The following ZNF235 variants were observed in gnomAD, a reference collection of about 807,000 sequenced individuals.
ZNF235 encodes the protein zinc finger protein 235, also known as zfp-93.
ZNF235 carries 25 observed loss-of-function variants against 29.4 expected under a neutral mutation model. The observed-to-expected ratio is 0.85, with a 90% CI of 0.62 to 1.19. The LOEUF (loss-of-function observed/expected upper bound fraction) is 1.19. Among genes scored for constraint, ZNF235 ranks in the 50% most tolerant of loss-of-function variants. The pLI is 0.00. For synonymous variants in ZNF235, 300 were observed against 295.3 expected (o/e 1.02, Z -0.16); for missense variants, 788 against 885.0 (o/e 0.89, Z 1.39).
chr19:44,299,858 G>A, intron 2 of ZNF235, 126 bp from the exon 3 acceptor site: 1 of 1,435,660 alleles, frequency 7.0e-7, no homozygotes, highest in Non-Finnish European at 9.6e-7. Flanking sequence ...GGGGGAAGAA[G>A]GAAAACACCT....
chr19:44,297,849 G>A lies in ZNF235; in HGVS notation c.238+959C>T, dbSNP rs143053348. Among the ~76,000 whole-genome samples, 646 of 152,260 alleles carry A rather than the reference G, an allele frequency of 4.2e-3. 10 individuals are homozygous for A. Among genetic ancestry groups the A allele is most frequent in the South Asian group, 0.035 (168 of 4,824 alleles). Reference sequence around the variant, plus strand: ...ATAAGGAAGAGGGGCTGGGCGCAGTGGCTCACATCTATAATCCCAGCATTT... The same window carrying A: ...ATAAGGAAGAGGGGCTGGGCGCAGTAGCTCACATCTATAATCCCAGCATTT... On this transcript the variant is annotated intron_variant, in intron 4 of 4. Coordinates refer to ENST00000291182, the MANE Select transcript of ZNF235 (RefSeq NM_004234.4).
Position 44,297,443 on chromosome 19 carries a change from C to T in ZNF235, c.238+1365G>A, listed in dbSNP as rs1975668275. 2.0e-5 allele frequency: 3 copies of T among 153,058 alleles called. No homozygotes were observed. The South Asian group carries it at 5.5e-4, about 28-fold the overall frequency. 9.5% of individuals were successfully genotyped at this position (153,058 alleles called of 1,614,324 possible). A position where few individuals can be genotyped will look rare whatever the true frequency, so the allele number is the denominator to read the frequency against. Reference sequence around the variant, plus strand: ...GCAAAAAACAAAACCAAATTAAACCCAATACTGACAGAAGAAAGGAATCTA... The same window carrying T: ...GCAAAAAACAAAACCAAATTAAACCTAATACTGACAGAAGAAAGGAATCTA... On this transcript the variant is annotated intron_variant, in intron 4 of 4. Transcript: ENST00000291182.
intron 4 of ZNF235, among the ~76,000 whole-genome samples, chr19:44,291,633 T>C (rs1975586093): frequency 6.6e-6 from 1 of 152,172 alleles, no homozygotes; most frequent in South Asian, 2.1e-4. Context: ...ATGAACTTTA[T>C]GGCAATAAAT....
chr19:44,298,597 A>G (rs929525496), intron 4 of ZNF235, among the ~76,000 whole-genome samples: 1 of 152,044 alleles, frequency 6.6e-6, no homozygotes, highest in Non-Finnish European at 1.5e-5. Flanking sequence ...TTGCTATGTT[A>G]AAGACCCCAG....
At position 44,288,543 on chromosome 19, in the gene ZNF235, TCTCATGTGTACTACA is replaced by T; in HGVS notation, c.877_891del (p.Cys293_Glu297del). On this transcript the variant is annotated inframe_deletion, in exon 5 of 5. Coordinates refer to ENST00000291182, the MANE Select transcript of ZNF235 (RefSeq NM_004234.4). The stretch of plus-strand genomic sequence containing the variant: ...ATACCTGAGCTATAACTGGTGTCCT[TCTCATGTGTACTACA>T]CGCTGGAGACTTCTTTCCCAAGTGT... The T allele has an allele frequency of 6.2e-7, 1 of 1,614,138 alleles. No individual in the cohort carries two copies. The highest frequency in any genetic ancestry group is 8.5e-7 in the Non-Finnish European group (1 of 1,179,992).
In ZNF235 at chr19:44,287,854, A is replaced by T. The variant is rs890371057; in HGVS notation, c.1581T>A (p.Ser527Arg). 38 of 1,607,780 alleles carry T rather than the reference A, an allele frequency of 2.4e-5. No homozygotes were observed. Among genetic ancestry groups the T allele is most frequent in the Non-Finnish European group, 3.1e-5 (37 of 1,178,078 alleles). ...CNVCGKGFSQSSYFQAHQRVH... is the reference protein window; with the variant it reads ...CNVCGKGFSQRSYFQAHQRVH... Reference sequence around the variant, plus strand: ...CTCTCTGATGTGCTTGAAAGTATGAACTCTGACTGAAGCCTTTCCCACACA... The same window carrying T: ...CTCTCTGATGTGCTTGAAAGTATGATCTCTGACTGAAGCCTTTCCCACACA... The change falls in exon 5 of 5, where the codon AGT (serine) becomes AGA (arginine). Residue 527 changes from serine (S) to arginine (R), a missense_variant. Physicochemically the swap from Ser to Arg is moderately radical, Grantham distance 110. Transcript: ENST00000291182.
intron 3 of ZNF235, 85 bp downstream of exon 3, chr19:44,299,521 T>A: frequency 1.3e-6 from 2 of 1,555,566 alleles, no homozygotes; most frequent in Non-Finnish European, 1.8e-6. Context: ...GATAGCCTGA[T>A]ACAACACAGA....
intron 4 of ZNF235, among the ~76,000 whole-genome samples, chr19:44,292,871 T>G (rs891209924): frequency 1.3e-5 from 2 of 151,948 alleles, no homozygotes; most frequent in Non-Finnish European, 2.9e-5. Flanking sequence ...TAAAGGAAGC[T>G]CCATCACACA....
At chr19:44,302,932 T>A (rs1264246598) in intron 2 of ZNF235, among the ~76,000 whole-genome samples, 19 of 132,270 alleles carry the variant, frequency 1.4e-4, no homozygotes, top group African/African-American at 5.7e-4. Context: ...TTGTATGTAT[T>A]TATATATACA....
intron 4 of ZNF235, among the ~76,000 whole-genome samples, chr19:44,293,040 A>G (rs560663836): frequency 6.6e-6 from 1 of 152,250 alleles, no homozygotes; most frequent in Admixed American, 6.5e-5. Context: ...GTTTGTCACC[A>G]CTAGACCAGG....
At chr19:44,294,480 C>T (rs1975626919) in intron 4 of ZNF235, among the ~76,000 whole-genome samples, 1 of 152,036 alleles carries the variant, frequency 6.6e-6, no homozygotes. Flanking sequence ...CACTGGAATT[C>T]CACAAAAGGT....
At chr19:44,298,599 A>G (rs1975687381) in intron 4 of ZNF235, among the ~76,000 whole-genome samples, 1 of 152,078 alleles carries the variant, frequency 6.6e-6, no homozygotes, top group East Asian at 1.9e-4. Context: ...GCTATGTTAA[A>G]GACCCCAGGC....
At chr19:44,304,604 TA>T in intron 1 of ZNF235, 2 of 580,676 alleles carry the variant, frequency 3.4e-6, no homozygotes, top group Non-Finnish European at 4.3e-6. Context: ...CTTATTTCTA[TA>T]AAACCTCATT....
At position 44,288,431 on chromosome 19, in the gene ZNF235, T is replaced by C; in HGVS notation, c.1004A>G (p.Gln335Arg). The C allele has an allele frequency of 6.2e-7, 1 of 1,614,230 alleles. No homozygotes were observed. Among genetic ancestry groups the C allele is most frequent in the South Asian group, 1.1e-5 (1 of 91,086 alleles). Residue 335 changes from glutamine to arginine, a missense_variant, in exon 5 of 5, where the codon CAA (glutamine) becomes CGA (arginine). Transcript: ENST00000291182. ...CCCTGTGTGGACTCTCTGATGAGTT[T>C]GCAGATTTGAGCTCTGACTGAAACC... ...GKGFSQSSNLQTHQRVHTGEK... is the reference protein window; with the variant it reads ...GKGFSQSSNLRTHQRVHTGEK...
chr19:44,302,682 G>T (rs1036047359), intron 2 of ZNF235, among the ~76,000 whole-genome samples: 2 of 150,454 alleles, frequency 1.3e-5, no homozygotes, highest in Non-Finnish European at 3.0e-5. Flanking sequence ...TTGAGCCCAG[G>T]CCCAGGCTGC....
chr19:44,302,561 A>G (rs1247722617), intron 2 of ZNF235, among the ~76,000 whole-genome samples: 5 of 151,552 alleles, frequency 3.3e-5, no homozygotes, highest in African/African-American at 4.8e-5. Flanking sequence ...GAAGTTCAAG[A>G]CCAGCCTGGG....
intron 1 of ZNF235, chr19:44,304,685 A>C: frequency 1.0e-6 from 1 of 977,116 alleles, no homozygotes; most frequent in Non-Finnish European, 1.2e-6. Context: ...AGACAAGGAG[A>C]GATTAAGTAA....
chr19:44,291,941 A>G (rs1279514351), intron 4 of ZNF235, among the ~76,000 whole-genome samples: 1 of 152,146 alleles, frequency 6.6e-6, no homozygotes, highest in African/African-American at 2.4e-5. Context: ...AGACAATGAC[A>G]TTCCAAGAAA....
Position 44,289,205 on chromosome 19 carries a change from A to G in ZNF235, c.239-9T>C, listed in dbSNP as rs773796045. 1 of 1,602,914 alleles carries G rather than the reference A, an allele frequency of 6.2e-7. No homozygotes were observed. Among genetic ancestry groups the G allele is most frequent in the Non-Finnish European group, 8.5e-7 (1 of 1,174,692 alleles). ...ATTTTGATTCCTGTCTCCTGAAAGG[A>G]TAGAGAGAATAAGGAATAAAGGACC... On this transcript the variant is annotated splice_polypyrimidine_tract_variant and intron_variant, in intron 4 of 4. Coordinates refer to ENST00000291182, the MANE Select transcript of ZNF235 (RefSeq NM_004234.4).
Sources: allele counts gnomAD v4.1 joint callset (sites outside exome capture counted in the v4.1 genomes callset), GRCh38; gene constraint gnomAD v4.1.1; transcripts MANE v1.5; gene names NCBI Gene and HGNC (gene_info 2026-07-23, HGNC 2026-07-21).